The following KCTD1 variants were observed in gnomAD, a reference collection of about 807,000 sequenced individuals.
KCTD1 encodes BTB/POZ domain-containing protein KCTD1.
Under a neutral mutation model 66.0 loss-of-function variants are expected in KCTD1, and 24 were observed. The ratio of observed to expected loss-of-function variants is 0.36; its 90% CI spans 0.26 to 0.51. The LOEUF (loss-of-function observed/expected upper bound fraction) is 0.51, where lower values mean the gene tolerates loss of function less well. Among genes scored for constraint, KCTD1 ranks in the 20% least tolerant of loss-of-function variants. The pLI, the probability that KCTD1 is intolerant of heterozygous loss-of-function variation, is 0.95. For missense variants in KCTD1, 943 were observed against 1,205.2 expected (o/e 0.78, Z 3.22); for synonymous variants, 511 against 517.2 (o/e 0.99, Z 0.16).
At chr18:26,517,821 C>T (rs1343701465) in intron 1 of KCTD1, among the ~76,000 whole-genome samples, 1 of 152,202 alleles carries the variant, frequency 6.6e-6, no homozygotes, top group Non-Finnish European at 1.5e-5. Context: ...TGCAAATTGC[C>T]CAGTCTCAGA....
chr18:26,636,310 A>G (rs1234882883), intron 1 of KCTD1, among the ~76,000 whole-genome samples: 2 of 152,090 alleles, frequency 1.3e-5, no homozygotes, highest in Non-Finnish European at 2.9e-5. Context: ...CTGTCTGATT[A>G]TTGTTTTTAT....
chr18:26,483,575 T>C (rs1981759151), intron 2 of KCTD1, among the ~76,000 whole-genome samples: 1 of 152,244 alleles, frequency 6.6e-6, no homozygotes, highest in Non-Finnish European at 1.5e-5. Context: ...AGCCTGAGTA[T>C]TTTTCTATTG....
chr18:26,536,504 G>A (rs1275327463), intron 1 of KCTD1, among the ~76,000 whole-genome samples: 1 of 152,072 alleles, frequency 6.6e-6, no homozygotes, highest in African/African-American at 2.4e-5. Flanking sequence ...TGCACTTCAG[G>A]TTTAACTGTT....
intron 1 of KCTD1, among the ~76,000 whole-genome samples, chr18:26,519,755 AT>A (rs1444724260): frequency 8.5e-5 from 13 of 152,380 alleles, no homozygotes; most frequent in African/African-American, 2.9e-4. Flanking sequence ...TACTAATATA[AT>A]TCAGTTGGAC....
At chr18:26,525,373 G>C (rs1207868302) in intron 1 of KCTD1, among the ~76,000 whole-genome samples, 2 of 152,140 alleles carry the variant, frequency 1.3e-5, no homozygotes, top group African/African-American at 4.8e-5. Context: ...TTCATTTCCA[G>C]GGCTGAATTC....
intron 1 of KCTD1, among the ~76,000 whole-genome samples, chr18:26,589,952 G>T (rs932260271): frequency 1.3e-5 from 2 of 152,214 alleles, no homozygotes; most frequent in South Asian, 4.1e-4. Context: ...GCCACCTTGT[G>T]AGCACAAGGG....
In KCTD1 at chr18:26,547,273, C is replaced by T; in HGVS notation, c.1264G>A (p.Glu422Lys). The change falls in exon 1 of 5, where the codon GAG becomes AAG. Residue 422 changes from glutamate to lysine, a missense_variant. Glu to Lys is a moderately conservative substitution (Grantham distance 56, BLOSUM62 1). This residue lies in a region of KCTD1 where 79 missense variants were observed against 133.9 expected (regional missense o/e 0.59). Transcript: ENST00000580059. ...HCSEGDVTWYENKAIGKNLLG... is the reference protein window; with the variant it reads ...HCSEGDVTWYKNKAIGKNLLG... ...AAGTTCTTGCCGATGGCTTTGTTCT[C>T]GTACCAGGTCACATCGCCCTCGCTG... The T allele has an allele frequency of 6.4e-7, 1 of 1,551,692 alleles. No individual in the cohort carries two copies.
intron 1 of KCTD1, among the ~76,000 whole-genome samples, chr18:26,614,407 T>C (rs1568010021): frequency 1.3e-5 from 2 of 151,950 alleles, no homozygotes; most frequent in Non-Finnish European, 1.5e-5. Context: ...AAAGAATGGG[T>C]TGAATAATGT....
At chr18:26,657,074 G>A (rs1307063253) in intron 1 of KCTD1, among the ~76,000 whole-genome samples, 1 of 151,046 alleles carries the variant, frequency 6.6e-6, no homozygotes, top group African/African-American at 2.4e-5. Context: ...GGCCCCTGCT[G>A]GCCGCACCCG....
At chr18:26,510,938 T>C (rs1983299909) in intron 1 of KCTD1, among the ~76,000 whole-genome samples, 1 of 152,178 alleles carries the variant, frequency 6.6e-6, no homozygotes, top group Admixed American at 6.5e-5. Context: ...ATTCTAGCAT[T>C]AAATGCACCA....
At chr18:26,568,576 T>TA (rs926310773) in intron 1 of KCTD1, among the ~76,000 whole-genome samples, 52 of 147,974 alleles carry the variant, frequency 3.5e-4, no homozygotes, top group Middle Eastern at 6.9e-3. Flanking sequence ...TCCTACAACA[T>TA]AAAAAAAAAA....
intron 1 of KCTD1, among the ~76,000 whole-genome samples, chr18:26,568,601 T>C (rs577716293): frequency 6.6e-6 from 1 of 152,304 alleles, no homozygotes; most frequent in Admixed American, 6.5e-5. Context: ...GTAGGTTGTG[T>C]AGACAGTCAT....
intron 1 of KCTD1, among the ~76,000 whole-genome samples, chr18:26,521,616 C>A (rs2144747859): frequency 6.6e-6 from 1 of 152,338 alleles, no homozygotes. Context: ...CTACAAAATT[C>A]TAAAGGCTGG....
chr18:26,562,048 C>T (rs1404244069), intron 1 of KCTD1, among the ~76,000 whole-genome samples: 4 of 152,154 alleles, frequency 2.6e-5, no homozygotes, highest in Non-Finnish European at 4.4e-5. Flanking sequence ...ATTTATCTTG[C>T]TTACAACCAA....
At position 26,579,394 on chromosome 18, in the gene KCTD1, T is replaced by C. The variant is rs184503275; in HGVS notation, c.-16+49753A>G. On this transcript the variant is annotated intron_variant, in intron 1 of 4. Coordinates refer to the KCTD1 transcript ENST00000317932. ...TAATTGCTTTATTTTATGCATGACC[T>C]TAGGAACTAATTAAATTACATAACA... is the stretch of plus-strand genomic sequence containing the variant. Among the ~76,000 whole-genome samples, 217 of 152,340 alleles carry C rather than the reference T, an allele frequency of 1.4e-3. 3 individuals carry two copies. Among genetic ancestry groups the C allele is most frequent in the African/African-American group, 5.1e-3 (210 of 41,576 alleles).
intron 2 of KCTD1, among the ~76,000 whole-genome samples, chr18:26,491,169 G>A (rs1036327146): frequency 3.9e-5 from 6 of 152,068 alleles, no homozygotes; most frequent in East Asian, 1.9e-4. Flanking sequence ...CTTGAGTGTC[G>A]CACTGGTTGT....
rs1323793464 is a variant in KCTD1, at chr18:26,600,196, C to G, written c.-16+28951G>C. On this transcript the variant is annotated intron_variant, in intron 1 of 4. Coordinates refer to the KCTD1 transcript ENST00000317932. The stretch of plus-strand genomic sequence containing the variant: ...ACTGGAAAAAGAGAAGTCAAGGGAA[C>G]AGATGAGCTCCCAGCCCAAGTCGGC... 3.1e-6 allele frequency: 5 copies of G among 1,599,396 alleles called. No individual in the cohort carries two copies. The African/African-American group carries it at 6.7e-5, about 21-fold the overall frequency.
chr18:26,555,242 G>A (rs751386607), intron 1 of KCTD1, among the ~76,000 whole-genome samples: 28 of 152,160 alleles, frequency 1.8e-4, no homozygotes, highest in Non-Finnish European at 2.6e-4. Flanking sequence ...AAACAAATAC[G>A]AACTTAAACA....
intron 2 of KCTD1, among the ~76,000 whole-genome samples, chr18:26,500,368 C>T (rs1372345385): frequency 6.6e-6 from 1 of 151,942 alleles, no homozygotes; most frequent in Non-Finnish European, 1.5e-5. Context: ...TGCAATGAGC[C>T]ATGTTTGCAC....
Sources: allele counts gnomAD v4.1 joint callset (sites outside exome capture counted in the v4.1 genomes callset), GRCh38; gene constraint gnomAD v4.1.1; regional missense constraint gnomAD v4.1.1; transcripts MANE v1.5; gene names NCBI Gene and HGNC (gene_info 2026-07-23, HGNC 2026-07-21).